The following ZFPM2 variants were observed in gnomAD, a reference collection of about 807,000 sequenced individuals.
The protein encoded by ZFPM2 is zinc finger protein, FOG family member 2.
Under a neutral mutation model 98.6 loss-of-function variants are expected in ZFPM2, and 20 were observed. The ratio of observed to expected loss-of-function variants is 0.20; its 90% CI spans 0.14 to 0.29. The LOEUF (loss-of-function observed/expected upper bound fraction) is 0.29. Among genes scored for constraint, ZFPM2 ranks in the 10% least tolerant of loss-of-function variants. ZFPM2 has a pLI of 1.00. For missense variants in ZFPM2, 1,310 were observed against 1,388.6 expected (o/e 0.94, Z 0.90); for synonymous variants, 518 against 502.7 (o/e 1.03, Z -0.41).
intron 5 of ZFPM2, among the ~76,000 whole-genome samples, chr8:105,779,284 A>G (rs1813188057): frequency 6.6e-6 from 1 of 152,176 alleles, no homozygotes; most frequent in Non-Finnish European, 1.5e-5. Flanking sequence ...TCAATTTGCT[A>G]TATATTTTTA....
At position 105,389,570 on chromosome 8, in the gene ZFPM2, C is replaced by T. The variant is rs547257955; in HGVS notation, c.41-29574C>T. ...CTACTACATTGTTATTCTCATATTA[C>T]AATGAAGAGATTGGGAACCAGAGAG... On this transcript the variant is annotated intron_variant, in intron 1 of 7. Transcript: ENST00000407775. Among the ~76,000 whole-genome samples the T allele has an allele frequency of 1.2e-4, 18 of 152,258 alleles. No homozygotes were observed. In the East Asian group the frequency reaches 3.3e-3, roughly 28 times the overall value.
intron 3 of ZFPM2, among the ~76,000 whole-genome samples, chr8:105,549,612 TCTC>T: frequency 4.8e-5 from 7 of 147,150 alleles, no homozygotes; most frequent in African/African-American, 1.8e-4. Flanking sequence ...TCTCTCTCTC[TCTC>T]TTTTTTTTTT....
At chr8:105,324,278 T>C (rs1285674950) in intron 1 of ZFPM2, among the ~76,000 whole-genome samples, 1 of 151,838 alleles carries the variant, frequency 6.6e-6, no homozygotes, top group East Asian at 1.9e-4. Flanking sequence ...CTGTATCTAT[T>C]AATATATCTA....
intron 4 of ZFPM2, among the ~76,000 whole-genome samples, chr8:105,594,935 A>G (rs1178698908): frequency 1.3e-5 from 2 of 152,144 alleles, no homozygotes; most frequent in African/African-American, 4.8e-5. Context: ...TAACTATAGT[A>G]TCATAAGATG....
At chr8:105,715,252 T>C (rs1192022873) in intron 5 of ZFPM2, among the ~76,000 whole-genome samples, 1 of 151,536 alleles carries the variant, frequency 6.6e-6, no homozygotes, top group Non-Finnish European at 1.5e-5. Flanking sequence ...AATAGAAAAT[T>C]AGGCAGATGT....
intron 3 of ZFPM2, among the ~76,000 whole-genome samples, chr8:105,527,103 T>A (rs1814190496): frequency 6.6e-6 from 1 of 152,170 alleles, no homozygotes; most frequent in African/African-American, 2.4e-5. Flanking sequence ...AAAGTTTTTG[T>A]TAAATAAACA....
chr8:105,516,139 T>A (rs1813917126), intron 3 of ZFPM2, among the ~76,000 whole-genome samples: 1 of 152,084 alleles, frequency 6.6e-6, no homozygotes, highest in South Asian at 2.1e-4. Flanking sequence ...TTGGCCAGGC[T>A]GGTCTTGAAC....
chr8:105,621,558 A>G (rs1240645198), intron 4 of ZFPM2, among the ~76,000 whole-genome samples: 2 of 152,162 alleles, frequency 1.3e-5, no homozygotes, highest in Non-Finnish European at 2.9e-5. Context: ...AACTTCCAAC[A>G]CTATGTTGAA....
Position 105,674,197 on chromosome 8 carries a change from C to T in ZFPM2, c.532+39840C>T, listed in dbSNP as rs371746895. 4.6e-5 allele frequency among the ~76,000 whole-genome samples: 7 copies of T among 152,258 alleles called. No individual in the cohort carries two copies. The South Asian group carries it at 6.2e-4, about 14-fold the overall frequency. ...ATAATTAGAATGCAGATAATGCAGA[C>T]GCTCTTTTATTACTAGAGCCAAATC... On this transcript the variant is annotated intron_variant, in intron 5 of 7. Transcript: ENST00000407775.
At chr8:105,776,071 G>C (rs555364000) in intron 5 of ZFPM2, among the ~76,000 whole-genome samples, 59 of 151,402 alleles carry the variant, frequency 3.9e-4, no homozygotes, top group Non-Finnish European at 6.5e-4. Context: ...ATCTTAATAG[G>C]AGACATTTTC....
intron 5 of ZFPM2, among the ~76,000 whole-genome samples, chr8:105,768,085 CCTCTCT>C (rs139124537): frequency 3.3e-4 from 49 of 147,062 alleles, no homozygotes; most frequent in African/African-American, 8.9e-4. Context: ...AACACATATT[CCTCTCT>C]CTCTCTCTCT....
At chr8:105,789,048 C>CT in intron 6 of ZFPM2, 124 bp downstream of exon 6, 1 of 730,798 alleles carries the variant, frequency 1.4e-6, no homozygotes, top group Non-Finnish European at 2.0e-6. Context: ...TTCATTTTAT[C>CT]TTTTTTCTTT....
chr8:105,472,542 G>A (rs1401934817), intron 3 of ZFPM2, among the ~76,000 whole-genome samples: 6 of 151,920 alleles, frequency 3.9e-5, no homozygotes, highest in South Asian at 4.2e-4. Flanking sequence ...TCACTCTGTC[G>A]CCCAGGCTGG....
chr8:105,740,160 C>T (rs28397080), intron 5 of ZFPM2, among the ~76,000 whole-genome samples: 14 of 151,982 alleles, frequency 9.2e-5, no homozygotes, highest in African/African-American at 2.9e-4. Context: ...TATTACACAG[C>T]ACTTAAACCC....
At chr8:105,591,502 G>A (rs542407718) in intron 4 of ZFPM2, among the ~76,000 whole-genome samples, 1 of 152,184 alleles carries the variant, frequency 6.6e-6, no homozygotes, top group East Asian at 1.9e-4. Flanking sequence ...TAATGCCTTT[G>A]AGTCTTTAAT....
chr8:105,481,103 T>A (rs975130189), intron 3 of ZFPM2, among the ~76,000 whole-genome samples: 2 of 152,072 alleles, frequency 1.3e-5, no homozygotes, highest in Non-Finnish European at 2.9e-5. Flanking sequence ...AAGGTCAGAG[T>A]AAAAGTGGTT....
intron 3 of ZFPM2, among the ~76,000 whole-genome samples, chr8:105,501,372 A>G (rs1813592214): frequency 6.6e-6 from 1 of 151,954 alleles, no homozygotes; most frequent in Non-Finnish European, 1.5e-5. Flanking sequence ...TTTAGTAGAG[A>G]GGGGGTTTCA....
At chr8:105,670,564 G>C (rs889486046) in intron 5 of ZFPM2, among the ~76,000 whole-genome samples, 6 of 147,474 alleles carry the variant, frequency 4.1e-5, no homozygotes, top group Non-Finnish European at 8.9e-5. Flanking sequence ...GTGTATGCGC[G>C]CCTTCATCCT....
At chr8:105,725,330 T>A (rs2131003798) in intron 5 of ZFPM2, among the ~76,000 whole-genome samples, 1 of 151,976 alleles carries the variant, frequency 6.6e-6, no homozygotes, top group Non-Finnish European at 1.5e-5. Context: ...TGAAAAAAAA[T>A]TCTCTGATAC....
Sources: allele counts gnomAD v4.1 joint callset (sites outside exome capture counted in the v4.1 genomes callset), GRCh38; gene constraint gnomAD v4.1.1; transcripts MANE v1.5; gene names NCBI Gene and HGNC (gene_info 2026-07-23, HGNC 2026-07-21).